OLFM3: variants seen among roughly 807,000 people sequenced by gnomAD.
OLFM3 encodes the protein noelin-3.
A neutral mutation model predicts 48.6 loss-of-function variants in OLFM3; 20 were observed. The observed-to-expected ratio is 0.41, with a 90% CI of 0.29 to 0.60. OLFM3 has a LOEUF of 0.60. OLFM3 is among the 20% of genes least tolerant of loss of function. The pLI is 0.28. For missense variants in OLFM3, 437 were observed against 544.3 expected (o/e 0.80, Z 1.96); for synonymous variants, 222 against 198.1 (o/e 1.12, Z -1.01).
intron 1 of OLFM3, among the ~76,000 whole-genome samples, chr1:101,927,401 A>G (rs1210461157): frequency 6.6e-6 from 1 of 152,080 alleles, no homozygotes; most frequent in Non-Finnish European, 1.5e-5. Flanking sequence ...GACTTGTCAC[A>G]TCACTCGAAA....
intron 4 of OLFM3, among the ~76,000 whole-genome samples, chr1:101,816,103 T>C (rs943296157): frequency 6.6e-6 from 1 of 152,280 alleles, no homozygotes; most frequent in East Asian, 1.9e-4. Flanking sequence ...TCTAGCAGCA[T>C]AAGATCAAAG....
intron 1 of OLFM3, among the ~76,000 whole-genome samples, chr1:101,972,364 C>T (rs12725476): frequency 0.25 from 37,725 of 152,112 alleles, 5,248 homozygotes; most frequent in Middle Eastern, 0.36. Flanking sequence ...GTGGCAAAAA[C>T]TGAAAATTAG....
intron 1 of OLFM3, among the ~76,000 whole-genome samples, chr1:101,901,246 G>C (rs77751536): frequency 0.015 from 2,206 of 152,114 alleles, 56 homozygotes; most frequent in African/African-American, 0.05. Context: ...GGAAGAACCA[G>C]GGAAGACTTC....
Position 101,935,836 on chromosome 1 carries a change from G to C in OLFM3, c.69+60912C>G, listed in dbSNP as rs779945575. On this transcript the variant is annotated intron_variant, in intron 1 of 5. Coordinates refer to ENST00000370103, the MANE Select transcript of OLFM3 (RefSeq NM_058170.4). ...ATTAAACATACACAAATCCATAAAT[G>C]TGATTCATCTCATAAATAGAATTTA... 5.1e-4 allele frequency among the ~76,000 whole-genome samples: 78 copies of C among 152,184 alleles called. 1 individual carries two copies. Among genetic ancestry groups the C allele is most frequent in the Admixed American group, 2.2e-3 (33 of 15,274 alleles).
At chr1:101,884,454 T>C (rs1557715765) in intron 1 of OLFM3, among the ~76,000 whole-genome samples, 1 of 151,614 alleles carries the variant, frequency 6.6e-6, no homozygotes, top group Non-Finnish European at 1.5e-5. Flanking sequence ...CTGTTTTTAA[T>C]GCAGGGATAA....
intron 1 of OLFM3, among the ~76,000 whole-genome samples, chr1:101,866,282 A>G (rs1656851966): frequency 6.6e-6 from 1 of 152,274 alleles, no homozygotes; most frequent in East Asian, 1.9e-4. Flanking sequence ...CATTTTGAAT[A>G]AAATGTATTT....
chr1:101,921,241 C>T (rs1659085873), intron 1 of OLFM3, among the ~76,000 whole-genome samples: 1 of 125,472 alleles, frequency 8.0e-6, no homozygotes. Flanking sequence ...ACAAATATTC[C>T]TTTCTTTCCA....
intron 1 of OLFM3, among the ~76,000 whole-genome samples, chr1:101,881,246 CT>C (rs1383151529): frequency 6.6e-6 from 1 of 151,790 alleles, no homozygotes; most frequent in Non-Finnish European, 1.5e-5. Flanking sequence ...TTTTTATTTT[CT>C]TTCACTCTGT....
intron 1 of OLFM3, among the ~76,000 whole-genome samples, chr1:101,940,755 TATTCATTTGTGTGTATATATATACAC>T (rs1395806960): frequency 2.7e-5 from 4 of 150,738 alleles, no homozygotes; most frequent in Non-Finnish European, 5.9e-5. Flanking sequence ...TATGTATATA[TATTCATTTGTGTGTATATATATACAC>T]ACAAATGTAT....
chr1:101,879,180 C>A (rs1325718946), intron 1 of OLFM3, among the ~76,000 whole-genome samples: 1 of 151,718 alleles, frequency 6.6e-6, no homozygotes, highest in Non-Finnish European at 1.5e-5. Context: ...AATGAGAATC[C>A]ATTTTTTTGC....
At chr1:101,868,342 A>C (rs1656938756) in intron 1 of OLFM3, among the ~76,000 whole-genome samples, 1 of 152,338 alleles carries the variant, frequency 6.6e-6, no homozygotes, top group South Asian at 2.1e-4. Context: ...AGATAGTGAT[A>C]TGAACAATGA....
chr1:101,963,362 A>C (rs1446750075), intron 1 of OLFM3, among the ~76,000 whole-genome samples: 1 of 152,160 alleles, frequency 6.6e-6, no homozygotes, highest in Non-Finnish European at 1.5e-5. Context: ...GTAACCCCTG[A>C]CTGCAGTAAA....
At chr1:101,985,021 T>A (rs1233209301) in intron 1 of OLFM3, among the ~76,000 whole-genome samples, 2 of 152,220 alleles carry the variant, frequency 1.3e-5, no homozygotes, top group Non-Finnish European at 2.9e-5. Flanking sequence ...CAGGGCTGCA[T>A]TCCTTTCTAA....
At chr1:101,924,688 G>T (rs1659211034) in intron 1 of OLFM3, among the ~76,000 whole-genome samples, 1 of 152,042 alleles carries the variant, frequency 6.6e-6, no homozygotes, top group South Asian at 2.1e-4. Context: ...GCTGCTTCTT[G>T]GGTCTCTCAA....
intron 1 of OLFM3, among the ~76,000 whole-genome samples, chr1:101,928,641 G>C (rs529721058): frequency 6.6e-6 from 1 of 152,114 alleles, no homozygotes; most frequent in South Asian, 2.1e-4. Flanking sequence ...AGATTCTAAG[G>C]GTGTGATAAG....
intron 1 of OLFM3, among the ~76,000 whole-genome samples, chr1:101,845,115 C>A (rs573928380): frequency 6.6e-6 from 1 of 151,938 alleles, no homozygotes; most frequent in Non-Finnish European, 1.5e-5. Flanking sequence ...CATAGTGAAA[C>A]CTTTTCTACA....
intron 1 of OLFM3, among the ~76,000 whole-genome samples, chr1:101,839,618 A>C (rs1557697348): frequency 6.6e-6 from 1 of 152,212 alleles, no homozygotes; most frequent in Non-Finnish European, 1.5e-5. Flanking sequence ...ACAGCAGTCC[A>C]AACACTGATT....
chr1:101,825,297 G>T (rs1557689823), intron 3 of OLFM3, 52 bp from the exon 4 acceptor site: 1 of 1,352,498 alleles, frequency 7.4e-7, no homozygotes, highest in Non-Finnish European at 1.0e-6. Flanking sequence ...AGATCATGCT[G>T]CTCTGTTCTT....
intron 1 of OLFM3, among the ~76,000 whole-genome samples, chr1:101,914,140 A>G (rs1406833203): frequency 6.6e-6 from 1 of 152,146 alleles, no homozygotes; most frequent in South Asian, 2.1e-4. Flanking sequence ...AAACCTTAAA[A>G]TGTTTATTAT....
Sources: gnomAD v4.1 joint callset for allele counts (sites outside exome capture counted in the v4.1 genomes callset) on GRCh38, gnomAD v4.1.1 for gene constraint, MANE v1.5 for transcripts, NCBI Gene and HGNC (gene_info 2026-07-23, HGNC 2026-07-21) for gene names.